Variants in MMRN1 observed in about 807,000 individuals in gnomAD.
MMRN1 encodes the protein multimerin-1.
Under a neutral mutation model 100.7 loss-of-function variants are expected in MMRN1, and 94 were observed. That is an observed-to-expected ratio of 0.93 (90% CI 0.79 to 1.11). MMRN1 has a LOEUF of 1.11. Ranked by LOEUF, MMRN1 falls within the 50% of genes least tolerant of loss-of-function variation. The probability of loss-of-function intolerance (pLI) is 0.00; values close to 1 mark genes in which losing one functional copy is unlikely to be tolerated. For synonymous variants in MMRN1, 575 were observed against 505.0 expected (o/e 1.14, Z -1.86); for missense variants, 1,606 against 1,439.1 (o/e 1.12, Z -1.88).
intron 5 of MMRN1, among the ~76,000 whole-genome samples, chr4:89,933,730 A>T (rs913153712): frequency 6.6e-6 from 1 of 152,094 alleles, no homozygotes; most frequent in African/African-American, 2.4e-5. Context: ...CCCGTGATTC[A>T]ATTACCTTCC....
intron 3 of MMRN1, among the ~76,000 whole-genome samples, chr4:89,918,914 A>C (rs1238647524): frequency 6.6e-6 from 1 of 151,870 alleles, no homozygotes; most frequent in African/African-American, 2.4e-5. Context: ...GAGATTTAAA[A>C]AAATTAACTG....
intron 4 of MMRN1, 42 bp downstream of exon 4, chr4:89,923,314 T>C (rs1446192595): frequency 6.6e-7 from 1 of 1,525,350 alleles, no homozygotes; most frequent in Admixed American, 1.7e-5. Flanking sequence ...CCAATTATTG[T>C]CAATGCTATT....
chr4:89,890,131 A>C (rs1721018683), upstream of MMRN1, among the ~76,000 whole-genome samples: 1 of 152,024 alleles, frequency 6.6e-6, no homozygotes. Context: ...CCCCAACAGA[A>C]GAATGAGGGT....
At chr4:89,938,988 G>T (rs1578499042) in intron 6 of MMRN1, among the ~76,000 whole-genome samples, 1 of 152,122 alleles carries the variant, frequency 6.6e-6, no homozygotes, top group African/African-American at 2.4e-5. Context: ...AGGTTTGCAT[G>T]CCCATTAAGC....
At chr4:89,899,077 G>T (rs1369767497) in intron 1 of MMRN1, among the ~76,000 whole-genome samples, 2 of 151,912 alleles carry the variant, frequency 1.3e-5, no homozygotes, top group African/African-American at 4.8e-5. Flanking sequence ...ACTCATATTT[G>T]TTCTTTTTTC....
Position 89,954,155 on chromosome 4 carries a change from C to G in MMRN1, c.*737C>G, listed in dbSNP as rs1229803654. 6.6e-6 allele frequency: 1 copy of G among 152,124 alleles called. No individual in the cohort carries two copies. The highest frequency in any genetic ancestry group is 1.5e-5 in the Non-Finnish European group (1 of 68,020). The allele number at this position is 152,124 out of a possible 1,614,324, so 9.4% of individuals were successfully genotyped here. A position where few individuals can be genotyped will look rare whatever the true frequency, so the allele number is the denominator to read the frequency against. On this transcript the variant is annotated 3_prime_UTR_variant, in exon 8 of 8. Coordinates refer to ENST00000264790, the MANE Select transcript of MMRN1 (RefSeq NM_007351.3). Reference sequence around the variant, plus strand: ...AAGTATTCTTCTATGGTAGTACCTACAGATCTGCCCTTCTTCTTCTAAAGG... The same window carrying G: ...AAGTATTCTTCTATGGTAGTACCTAGAGATCTGCCCTTCTTCTTCTAAAGG...
chr4:89,884,009 G>C (rs1267230601), intron 1 of MMRN1, among the ~76,000 whole-genome samples: 1 of 151,968 alleles, frequency 6.6e-6, no homozygotes, highest in Non-Finnish European at 1.5e-5. Flanking sequence ...CCATTGAATG[G>C]ACTTGGTACC....
At chr4:89,925,554 GGGT>G (rs2110618547) in intron 4 of MMRN1, among the ~76,000 whole-genome samples, 1 of 151,274 alleles carries the variant, frequency 6.6e-6, no homozygotes, top group East Asian at 1.9e-4. Flanking sequence ...GTTTTAGGCT[GGGT>G]GTGGTGGCTC....
chr4:89,944,271 C>A (rs1054324811), intron 6 of MMRN1, among the ~76,000 whole-genome samples: 1 of 152,016 alleles, frequency 6.6e-6, no homozygotes, highest in Non-Finnish European at 1.5e-5. Flanking sequence ...AAGATAACAT[C>A]CAAGAAGTAA....
In MMRN1 at chr4:89,936,243, T is replaced by G. The variant is rs1156596436; in HGVS notation, c.2563T>G (p.Ser855Ala). The change falls in exon 6 of 8, where the codon TCC becomes GCC. Residue 855 changes from serine (S) to alanine (A), a missense_variant. By Grantham distance (99) the Ser-to-Ala change is moderately conservative (BLOSUM62 1). Coordinates refer to ENST00000264790, the MANE Select transcript of MMRN1 (RefSeq NM_007351.3). Reference sequence around the variant, plus strand: ...AAAACTACTCTTAACTACCAAGATTTCCAAAAATTTTGAGACTCGGTTGCA... The same window carrying G: ...AAAACTACTCTTAACTACCAAGATTGCCAAAAATTTTGAGACTCGGTTGCA... ...EEKLLLTTKI[S>A]KNFETRLQDI... 6.2e-7 allele frequency: 1 copy of G among 1,603,686 alleles called. No individual in the cohort carries two copies. Among genetic ancestry groups the G allele is most frequent in the South Asian group, 1.1e-5 (1 of 88,252 alleles).
chr4:89,936,240 A>G lies in MMRN1; in HGVS notation c.2560A>G (p.Ile854Val). ...AGAAAAACTACTCTTAACTACCAAG[A>G]TTTCCAAAAATTTTGAGACTCGGTT... Reference protein sequence around the residue: ...LEEKLLLTTKISKNFETRLQD... With the variant: ...LEEKLLLTTKVSKNFETRLQD... The change falls in exon 6 of 8, where the codon ATT (isoleucine) becomes GTT (valine). Residue 854 changes from isoleucine (I) to valine (V), a missense_variant. By Grantham distance (29) the Ile-to-Val change is conservative. Transcript: ENST00000264790. 1 of 1,604,068 alleles carries G rather than the reference A, an allele frequency of 6.2e-7. No homozygotes were observed. The highest frequency in any genetic ancestry group is 1.1e-5 in the South Asian group (1 of 88,328).
At chr4:89,931,894 C>A (rs763220693) in intron 5 of MMRN1, among the ~76,000 whole-genome samples, 2 of 152,044 alleles carry the variant, frequency 1.3e-5, no homozygotes, top group African/African-American at 2.4e-5. Flanking sequence ...TATTTCACCC[C>A]GGCCCCTTCC....
chr4:89,887,556 G>A (rs891439541), intron 1 of MMRN1, among the ~76,000 whole-genome samples: 3 of 151,984 alleles, frequency 2.0e-5, no homozygotes, highest in African/African-American at 7.2e-5. Context: ...TTTATATTCA[G>A]TATTATGTGT....
intron 1 of MMRN1, among the ~76,000 whole-genome samples, chr4:89,885,270 C>T (rs1457765854): frequency 6.6e-6 from 1 of 151,942 alleles, no homozygotes; most frequent in Non-Finnish European, 1.5e-5. Flanking sequence ...TCAACCTTAA[C>T]TTCTTTGAAT....
Position 89,953,233 on chromosome 4 carries a change from G to A in MMRN1, c.3502G>A (p.Asp1168Asn). The A allele has an allele frequency of 6.2e-7, 1 of 1,613,870 alleles. No individual in the cohort carries two copies. Among genetic ancestry groups the A allele is most frequent in the South Asian group, 1.1e-5 (1 of 91,074 alleles). Residue 1168 changes from aspartate (D) to asparagine (N), a missense_variant, in exon 8 of 8, where the codon GAC (aspartate) becomes AAC (asparagine). Transcript: ENST00000264790. ...ISGFLVVDGIDKLAFESENIN... is the reference protein window; with the variant it reads ...ISGFLVVDGINKLAFESENIN... ...TGGATTTTTAGTGGTTGATGGAATA[G>A]ACAAGCTTGCATTTGAGTCTGAAAA... is the stretch of plus-strand genomic sequence containing the variant.
At chr4:89,888,217 T>C (rs889412832) in intron 1 of MMRN1, among the ~76,000 whole-genome samples, 1 of 152,024 alleles carries the variant, frequency 6.6e-6, no homozygotes, top group Non-Finnish European at 1.5e-5. Flanking sequence ...GTATATCTTA[T>C]AGGGTGGGTC....
chr4:89,941,594 G>A (rs554829417), intron 6 of MMRN1, among the ~76,000 whole-genome samples: 1 of 152,252 alleles, frequency 6.6e-6, no homozygotes, highest in South Asian at 2.1e-4. Flanking sequence ...AAGGGAAGCA[G>A]ATATTCAGCA....
chr4:89,924,632 G>A (rs1346944620), intron 4 of MMRN1, among the ~76,000 whole-genome samples: 2 of 151,572 alleles, frequency 1.3e-5, no homozygotes, highest in African/African-American at 2.4e-5. Context: ...ATCATGAGGT[G>A]AGAAGATCGA....
chr4:89,944,906 T>A (rs1047253880), intron 6 of MMRN1, among the ~76,000 whole-genome samples: 1 of 152,186 alleles, frequency 6.6e-6, no homozygotes, highest in Non-Finnish European at 1.5e-5. Context: ...TGTTGATAGA[T>A]AGCCTATGAG....
Sources: gnomAD v4.1 joint callset for allele counts (sites outside exome capture counted in the v4.1 genomes callset) on GRCh38, gnomAD v4.1.1 for gene constraint, MANE v1.5 for transcripts, NCBI Gene and HGNC (gene_info 2026-07-23, HGNC 2026-07-21) for gene names.